Variants in CNTN5 observed in about 807,000 individuals in gnomAD.
The protein encoded by CNTN5 is contactin-5.
CNTN5 carries 77 observed loss-of-function variants against 129.1 expected under a neutral mutation model. The observed-to-expected ratio is 0.60, with a 90% confidence interval of 0.50 to 0.72. CNTN5 has a LOEUF of 0.72. Among genes scored for constraint, CNTN5 ranks in the 30% least tolerant of loss-of-function variants. CNTN5 has a pLI of 0.00. For missense variants in CNTN5, 1,478 were observed against 1,328.8 expected, an observed-to-expected ratio of 1.11 and a Z score of -1.75; for synonymous variants, 509 against 465.6, an observed-to-expected ratio of 1.09 and a Z score of -1.20.
chr11:99,710,059 A>AT (rs963527850), intron 3 of CNTN5, among the ~76,000 whole-genome samples: 14 of 151,646 alleles, frequency 9.2e-5, no homozygotes, highest in Non-Finnish European at 1.8e-4. Context: ...TGCTATTAGT[A>AT]TTTTTTTGTT....
At chr11:100,355,988 T>C (rs995521027) in intron 24 of CNTN5, 129 bp from the exon 25 acceptor site, 3 of 639,412 alleles carry the variant, frequency 4.7e-6, no homozygotes, top group East Asian at 5.5e-5. Context: ...ATTTTATAAA[T>C]ATAAAGAACA....
intron 7 of CNTN5, among the ~76,000 whole-genome samples, chr11:99,937,954 A>G (rs1950351855): frequency 6.6e-6 from 1 of 152,234 alleles, no homozygotes; most frequent in South Asian, 2.1e-4. Flanking sequence ...GTGTTTAACA[A>G]AAGAAACAAA....
rs535976069 is a variant in CNTN5 at position 99,748,507 on chromosome 11, A to G, written c.56-71037A>G. On this transcript the variant is annotated intron_variant, in intron 3 of 24. Coordinates refer to ENST00000524871, the MANE Select transcript of CNTN5 (RefSeq NM_014361.4). The stretch of plus-strand genomic sequence containing the variant: ...ATTCTGGAGTCCAGAAAGTTCTACA[A>G]TATGCTCTGTGCAAGCTGGAGAACT... 8.5e-5 allele frequency among the ~76,000 whole-genome samples: 13 copies of G among 152,268 alleles called. No individual in the cohort carries two copies. The East Asian group carries it at 1.5e-3, about 18-fold the overall frequency.
At chr11:99,345,166 A>G (rs1449649368) in intron 2 of CNTN5, among the ~76,000 whole-genome samples, 1 of 152,246 alleles carries the variant, frequency 6.6e-6, no homozygotes, top group African/African-American at 2.4e-5. Context: ...GAATACATAT[A>G]TATGGAAGTA....
chr11:99,923,797 A>ATCTG, intron 7 of CNTN5, among the ~76,000 whole-genome samples: 1 of 150,618 alleles, frequency 6.6e-6, no homozygotes, highest in East Asian at 2.0e-4. Context: ...CTATCTATCT[A>ATCTG]TCTATCTATC....
intron 17 of CNTN5, 144 bp downstream of exon 17, chr11:100,256,062 T>A (rs1950063127): frequency 2.7e-6 from 2 of 747,426 alleles, no homozygotes; most frequent in Admixed American, 2.9e-5. Context: ...CTTTGCTTCT[T>A]TTTATGAACC....
At chr11:99,477,740 A>G (rs1041026764) in intron 2 of CNTN5, among the ~76,000 whole-genome samples, 4 of 151,920 alleles carry the variant, frequency 2.6e-5, no homozygotes, top group Non-Finnish European at 5.9e-5. Flanking sequence ...GCCTGAGGCC[A>G]GGAATTCAAG....
rs546874327 is a variant in CNTN5 at position 100,074,390 on chromosome 11, G to A, written c.1580+96G>A. On this transcript the variant is annotated intron_variant, in intron 13 of 24. Coordinates refer to ENST00000524871, the MANE Select transcript of CNTN5 (RefSeq NM_014361.4). ...ATGCAAGAAAGAGTCTTGCAGTACC[G>A]TGAGACGTATTTTATGAACTGATTG... is the stretch of plus-strand genomic sequence containing the variant. 2.6e-5 allele frequency: 27 copies of A among 1,049,486 alleles called. 1 individual carries two copies. Among genetic ancestry groups the A allele is most frequent in the East Asian group, 5.2e-5 (2 of 38,366 alleles). 65.0% of individuals were successfully genotyped at this position (1,049,486 alleles called of 1,614,324 possible). A position where few individuals can be genotyped will look rare whatever the true frequency, so the allele number is the denominator to read the frequency against.
At chr11:100,207,483 G>A (rs897375122) in intron 15 of CNTN5, among the ~76,000 whole-genome samples, 4 of 151,918 alleles carry the variant, frequency 2.6e-5, no homozygotes, top group Admixed American at 2.0e-4. Context: ...TACCAGTGAA[G>A]ATATAACATT....
chr11:99,724,565 C>T (rs1226692734), intron 3 of CNTN5, among the ~76,000 whole-genome samples: 1 of 152,082 alleles, frequency 6.6e-6, no homozygotes, highest in Non-Finnish European at 1.5e-5. Context: ...TTATTATCCC[C>T]AAATTTAGAA....
intron 4 of CNTN5, among the ~76,000 whole-genome samples, chr11:99,841,898 T>A (rs372710368): frequency 0.014 from 723 of 53,222 alleles, 4 homozygotes; most frequent in African/African-American, 0.033. Flanking sequence ...ATATATATAT[T>A]TTTTTTTTAT....
At chr11:99,616,151 A>C (rs1950754423) in intron 3 of CNTN5, among the ~76,000 whole-genome samples, 1 of 152,172 alleles carries the variant, frequency 6.6e-6, no homozygotes, top group Admixed American at 6.5e-5. Context: ...AAAATATAGA[A>C]TTATTCTATC....
intron 3 of CNTN5, among the ~76,000 whole-genome samples, chr11:99,690,537 A>C (rs1953998825): frequency 6.6e-6 from 1 of 152,118 alleles, no homozygotes; most frequent in Non-Finnish European, 1.5e-5. Flanking sequence ...TGAGAATAGC[A>C]TTTAATCTCT....
intron 11 of CNTN5, 82 bp downstream of exon 11, chr11:100,070,642 T>G: frequency 7.6e-7 from 1 of 1,319,230 alleles, no homozygotes; most frequent in East Asian, 2.4e-5. Context: ...TTTAGTCTTA[T>G]TGAAAGCCTT....
intron 1 of CNTN5, among the ~76,000 whole-genome samples, chr11:99,103,073 C>T (rs1306272146): frequency 6.6e-6 from 1 of 152,058 alleles, no homozygotes; most frequent in Admixed American, 6.6e-5. Context: ...GGGGTTTCTC[C>T]TTATAAAACC....
At chr11:99,816,060 C>T (rs1946576335) in intron 3 of CNTN5, among the ~76,000 whole-genome samples, 4 of 152,084 alleles carry the variant, frequency 2.6e-5, no homozygotes, top group Admixed American at 2.0e-4. Context: ...TCTCTAACCC[C>T]CAATTTAAAT....
intron 12 of CNTN5, among the ~76,000 whole-genome samples, chr11:100,072,550 G>A (rs1363627266): frequency 6.6e-6 from 1 of 152,154 alleles, no homozygotes; most frequent in African/African-American, 2.4e-5. Flanking sequence ...GTAATGTAAA[G>A]AAAGATACTC....
At chr11:99,116,792 T>C (rs959254324) in intron 1 of CNTN5, among the ~76,000 whole-genome samples, 2 of 152,178 alleles carry the variant, frequency 1.3e-5, no homozygotes, top group South Asian at 2.1e-4. Flanking sequence ...AGGAAACAGA[T>C]GAATACATTT....
chr11:99,564,009 T>C (rs1051001229), intron 3 of CNTN5, among the ~76,000 whole-genome samples: 1 of 152,196 alleles, frequency 6.6e-6, no homozygotes, highest in African/African-American at 2.4e-5. Context: ...GTGGGCTCAT[T>C]TTTTACTCTA....
Sources: allele counts gnomAD v4.1 joint callset (sites outside exome capture counted in the v4.1 genomes callset), GRCh38; gene constraint gnomAD v4.1.1; transcripts MANE v1.5; gene names NCBI Gene and HGNC (gene_info 2026-07-23, HGNC 2026-07-21).